NFIA: variants seen among roughly 807,000 people sequenced by gnomAD.
NFIA encodes the protein nuclear factor 1 A-type.
NFIA carries 8 observed loss-of-function variants against 62.8 expected under a neutral mutation model. The ratio of observed to expected loss-of-function variants is 0.13; its 90% CI spans 0.07 to 0.23. NFIA has a LOEUF of 0.23. Among genes scored for constraint, NFIA ranks in the 10% least tolerant of loss-of-function variants. The pLI is 1.00. For synonymous variants in NFIA, 235 were observed against 238.1 expected (o/e 0.99, Z 0.12); for missense variants, 410 against 642.1 (o/e 0.64, Z 3.91).
At position 61,088,092 on chromosome 1, in the gene NFIA, AGTT is replaced by A. The variant is rs1051333759; in HGVS notation, c.28-53_28-51del. Reference sequence around the variant, plus strand: ...TTCTTAAGGTGACCCGCTGAAGAAAAGTTGTTTTCTTTTGTTTTCATTCTACTT... The same window carrying A: ...TTCTTAAGGTGACCCGCTGAAGAAAAGTTTTCTTTTGTTTTCATTCTACTT... On this transcript the variant is annotated intron_variant, in intron 1 of 10. Coordinates refer to ENST00000403491, the MANE Select transcript of NFIA (RefSeq NM_001134673.4). This position sits in a 1 kb window ranked among gnomAD's most constrained non-coding sequence, Gnocchi z 4.5. 2 of 1,505,276 alleles carry A rather than the reference AGTT, an allele frequency of 1.3e-6. No individual in the cohort carries two copies. The highest frequency in any genetic ancestry group is 2.3e-5 in the East Asian group (1 of 44,112). The allele number at this position is 1,505,276 out of a possible 1,614,324, so 93.2% of individuals were successfully genotyped here.
chr1:61,400,599 A>G (rs1665503342), intron 7 of NFIA, among the ~76,000 whole-genome samples: 1 of 152,214 alleles, frequency 6.6e-6, no homozygotes, highest in South Asian at 2.1e-4. Context: ...GGATCTAAAT[A>G]TGCATTTACA....
At chr1:61,197,475 G>A (rs1322468273) in intron 2 of NFIA, among the ~76,000 whole-genome samples, 5 of 151,050 alleles carry the variant, frequency 3.3e-5, no homozygotes, top group Admixed American at 6.6e-5. Flanking sequence ...CTGACCTTGC[G>A]ATCCACTTAC....
intron 2 of NFIA, among the ~76,000 whole-genome samples, chr1:61,222,173 A>T (rs958119075): frequency 5.9e-5 from 9 of 152,176 alleles, no homozygotes; most frequent in African/African-American, 2.2e-4. Flanking sequence ...GGAGAAGTTT[A>T]AAAAGTTTTA....
At chr1:61,313,895 C>A (rs987015450) in intron 3 of NFIA, among the ~76,000 whole-genome samples, 1 of 152,154 alleles carries the variant, frequency 6.6e-6, no homozygotes, top group Non-Finnish European at 1.5e-5. Flanking sequence ...CCGACTCTAC[C>A]AGTTACTGTC....
intron 4 of NFIA, among the ~76,000 whole-genome samples, chr1:61,347,431 C>A (rs1467675365): frequency 2.0e-5 from 3 of 152,064 alleles, no homozygotes; most frequent in Non-Finnish European, 2.9e-5. Context: ...CCTCAGCCTC[C>A]CAAAGTGCTG....
intron 2 of NFIA, among the ~76,000 whole-genome samples, chr1:61,174,321 A>T (rs1650178096): frequency 6.6e-6 from 1 of 152,222 alleles, no homozygotes; most frequent in Non-Finnish European, 1.5e-5. Context: ...TTTCCCAGGC[A>T]GTGTTACCTG....
intron 3 of NFIA, among the ~76,000 whole-genome samples, chr1:61,283,178 T>C (rs537654982): frequency 2.0e-5 from 3 of 152,364 alleles, no homozygotes; most frequent in Non-Finnish European, 4.4e-5. Context: ...GTACTTCTTT[T>C]CATCCGTAAT....
Position 61,082,582 on chromosome 1 carries a change from G to C in NFIA, c.-210G>C, listed in dbSNP as rs1161445207. ...AGGCGGGGTTAAAGTTCAGCTCATG[G>C]AGCGGCAATAGCGCTGGCTGGCTGG... is the stretch of plus-strand genomic sequence containing the variant. On this transcript the variant is annotated 5_prime_UTR_variant, in exon 1 of 11. Coordinates refer to ENST00000403491, the MANE Select transcript of NFIA (RefSeq NM_001134673.4). The C allele has an allele frequency of 1.4e-6, 2 of 1,480,066 alleles. No homozygotes were observed. Among genetic ancestry groups the C allele is most frequent in the South Asian group, 1.4e-5 (1 of 72,772 alleles). The allele number at this position is 1,480,066 out of a possible 1,614,324, so 91.7% of individuals were successfully genotyped here. A position where few individuals can be genotyped will look rare whatever the true frequency, so the allele number is the denominator to read the frequency against.
chr1:61,306,478 G>A (rs866366393), intron 3 of NFIA, among the ~76,000 whole-genome samples: 4 of 151,398 alleles, frequency 2.6e-5, no homozygotes, highest in African/African-American at 4.9e-5. Flanking sequence ...GTTTTGCCAC[G>A]TTGGCCAGGC....
At chr1:61,086,026 C>G (rs1646212779) in intron 1 of NFIA, among the ~76,000 whole-genome samples, 1 of 152,112 alleles carries the variant, frequency 6.6e-6, no homozygotes, top group Non-Finnish European at 1.5e-5. Context: ...TATCATTAAT[C>G]AAACTTTTAA....
chr1:61,145,082 A>G (rs1458268881), intron 2 of NFIA, among the ~76,000 whole-genome samples: 1 of 152,094 alleles, frequency 6.6e-6, no homozygotes. Flanking sequence ...GGGGCTTCCA[A>G]ATCTGCTTGT....
chr1:61,201,514 A>G lies in NFIA; in HGVS notation c.560-76006A>G, dbSNP rs550047999. On this transcript the variant is annotated intron_variant, in intron 2 of 10. Transcript: ENST00000403491. ...GTTAGATTTCTCTTTCCTTTCAACT[A>G]AAAAACAAAAAAAAAAAAGGAAAAA... Among the ~76,000 whole-genome samples, 133 of 150,470 alleles carry G rather than the reference A, an allele frequency of 8.8e-4. 2 individuals are homozygous for G. In the Middle Eastern group the frequency reaches 0.025, roughly 28 times the overall value.
intron 9 of NFIA, among the ~76,000 whole-genome samples, chr1:61,414,739 A>C (rs2100538340): frequency 6.6e-6 from 1 of 152,290 alleles, no homozygotes; most frequent in East Asian, 1.9e-4. Flanking sequence ...TTTAAGAAAG[A>C]ATGAAAAAAA....
rs193094470 is a variant in NFIA, at chr1:61,310,980, A to G, written c.626-21532A>G. 3.5e-3 allele frequency among the ~76,000 whole-genome samples: 532 copies of G among 152,282 alleles called. 3 individuals carry two copies. The highest frequency in any genetic ancestry group is 5.8e-3 in the Non-Finnish European group (397 of 68,024). On this transcript the variant is annotated intron_variant, in intron 3 of 10. Transcript: ENST00000403491. ...TCCCAGTCTTTATCTCTGTATCCCC[A>G]GTACTGACACAGTCCTGGAACATAG... is the stretch of plus-strand genomic sequence containing the variant.
At chr1:61,093,123 G>A (rs1305594822) in intron 2 of NFIA, among the ~76,000 whole-genome samples, 3 of 152,010 alleles carry the variant, frequency 2.0e-5, no homozygotes, top group Admixed American at 6.5e-5. Context: ...TCCTACATTA[G>A]TTTGAGGCAA....
intron 2 of NFIA, among the ~76,000 whole-genome samples, chr1:61,230,680 C>T (rs1224473897): frequency 2.0e-5 from 3 of 152,274 alleles, no homozygotes; most frequent in South Asian, 4.1e-4. Context: ...CATTGACTCC[C>T]TCTCACCAGC....
At chr1:61,203,061 G>A (rs899003462) in intron 2 of NFIA, among the ~76,000 whole-genome samples, 3 of 152,202 alleles carry the variant, frequency 2.0e-5, no homozygotes, top group South Asian at 4.1e-4. Context: ...ACAATATAGC[G>A]ATTTCCTGTT....
chr1:61,419,528 C>T (rs1259973418), intron 9 of NFIA, among the ~76,000 whole-genome samples: 1 of 152,114 alleles, frequency 6.6e-6, no homozygotes, highest in Non-Finnish European at 1.5e-5. Context: ...AAGGTCAAAG[C>T]GTCTCCAGTT....
chr1:61,360,220 T>A (rs1663209655), intron 6 of NFIA, among the ~76,000 whole-genome samples: 1 of 152,214 alleles, frequency 6.6e-6, no homozygotes, highest in Non-Finnish European at 1.5e-5. Flanking sequence ...TATGGATAAG[T>A]CTGATTGCAA....
Sources: gnomAD v4.1 joint callset for allele counts (sites outside exome capture counted in the v4.1 genomes callset) on GRCh38, gnomAD v4.1.1 for gene constraint, Gnocchi (gnomAD v3.1) non-coding constraint, MANE v1.5 for transcripts, NCBI Gene and HGNC (gene_info 2026-07-23, HGNC 2026-07-21) for gene names.